The following POT1 variants were observed in gnomAD, a reference collection of about 807,000 sequenced individuals.
The protein encoded by POT1 is protection of telomeres protein 1.
POT1 carries 47 observed loss-of-function variants against 78.5 expected under a neutral mutation model. The ratio of observed to expected loss-of-function variants is 0.60; its 90% CI spans 0.47 to 0.76. POT1 has a LOEUF of 0.76. POT1 is among the 30% of genes least tolerant of loss of function. The pLI, the probability that POT1 is intolerant of heterozygous loss-of-function variation, is 0.00. For missense variants in POT1, 646 were observed against 749.9 expected (o/e 0.86, Z 1.62); for synonymous variants, 259 against 260.7 (o/e 0.99, Z 0.06).
In POT1 at chr7:124,910,968, T is replaced by A. The variant is rs1796876807; in HGVS notation, c.-154+4606A>T. The stretch of plus-strand genomic sequence containing the variant: ...TCTCTCAGAGCAACTCTACCTACAT[T>A]TACCCCAACACTATTTTCTGTATTA... On this transcript the variant is annotated intron_variant, in intron 3 of 18. Transcript: ENST00000357628. 2.0e-5 allele frequency among the ~76,000 whole-genome samples: 3 copies of A among 152,044 alleles called. No individual in the cohort carries two copies. In the South Asian group the frequency reaches 6.2e-4, roughly 32 times the overall value.
chr7:124,854,671 T>C (rs561564782), intron 9 of POT1, among the ~76,000 whole-genome samples: 33 of 151,968 alleles, frequency 2.2e-4, no homozygotes, highest in African/African-American at 7.7e-4. Context: ...CTTTGACCTC[T>C]TTCACTTACA....
intron 6 of POT1, among the ~76,000 whole-genome samples, chr7:124,881,433 G>A (rs981665617): frequency 2.0e-5 from 3 of 151,780 alleles, no homozygotes; most frequent in African/African-American, 7.3e-5. Flanking sequence ...CAAAATTCAG[G>A]TTAAGAGAAC....
intron 8 of POT1, among the ~76,000 whole-genome samples, chr7:124,861,241 T>C (rs1213086741): frequency 1.3e-5 from 2 of 152,192 alleles, no homozygotes; most frequent in Non-Finnish European, 2.9e-5. Context: ...AAAGCGCTCC[T>C]TTTTCTCCAC....
intron 14 of POT1, among the ~76,000 whole-genome samples, chr7:124,840,397 G>C (rs1794998084): frequency 6.6e-6 from 1 of 151,044 alleles, no homozygotes; most frequent in African/African-American, 2.4e-5. Context: ...GGTTACAAGG[G>C]AAGAGAAGCC....
chr7:124,901,828 T>A (rs982285469), intron 3 of POT1, among the ~76,000 whole-genome samples: 1 of 152,040 alleles, frequency 6.6e-6, no homozygotes, highest in African/African-American at 2.4e-5. Context: ...GAGAAGACCT[T>A]AAATGACCTG....
At chr7:124,926,886 G>A (rs997932779) in intron 2 of POT1, among the ~76,000 whole-genome samples, 1 of 152,142 alleles carries the variant, frequency 6.6e-6, no homozygotes, top group Non-Finnish European at 1.5e-5. Flanking sequence ...TGTACACACA[G>A]AAGCAGAGTG....
At chr7:124,903,669 A>T (rs1796681493) in intron 3 of POT1, among the ~76,000 whole-genome samples, 1 of 152,230 alleles carries the variant, frequency 6.6e-6, no homozygotes, top group African/African-American at 2.4e-5. Flanking sequence ...AGAAAAAACT[A>T]AGATCAGAGC....
chr7:124,889,170 T>C (rs1320490901), intron 6 of POT1, among the ~76,000 whole-genome samples: 1 of 152,012 alleles, frequency 6.6e-6, no homozygotes, highest in Non-Finnish European at 1.5e-5. Context: ...AACACATGAA[T>C]GAGAAGAAAG....
intron 3 of POT1, among the ~76,000 whole-genome samples, chr7:124,907,127 C>T (rs539534596): frequency 2.0e-5 from 3 of 152,138 alleles, no homozygotes; most frequent in African/African-American, 7.2e-5. Context: ...AGTGAGAAGG[C>T]TTTATCAATG....
intron 3 of POT1, among the ~76,000 whole-genome samples, chr7:124,903,784 T>C (rs1796685075): frequency 6.7e-6 from 1 of 148,798 alleles, no homozygotes; most frequent in Non-Finnish European, 1.5e-5. Context: ...CTAGCAAGAC[T>C]AATAAAGAAG....
chr7:124,891,046 G>A lies in POT1; in HGVS notation c.124+1220C>T, dbSNP rs375150667. The stretch of plus-strand genomic sequence containing the variant: ...CTGTTAGGTCCATTTGGTCTACAGT[G>A]TTGTTCAAGTTTTCTGTTTCCTTAT... On this transcript the variant is annotated intron_variant, in intron 6 of 18. Transcript: ENST00000357628. 2.6e-5 allele frequency among the ~76,000 whole-genome samples: 4 copies of A among 151,696 alleles called. No individual in the cohort carries two copies. In the East Asian group the frequency reaches 5.8e-4, roughly 22 times the overall value.
chr7:124,832,300 G>A (rs999157966), intron 15 of POT1, among the ~76,000 whole-genome samples: 7 of 147,356 alleles, frequency 4.8e-5, no homozygotes, highest in African/African-American at 1.2e-4. Context: ...AAAACGTTAC[G>A]ATTTGTTAAA....
chr7:124,851,855 T>C lies in POT1; in HGVS notation c.949+17A>G. The C allele has an allele frequency of 1.3e-6, 2 of 1,540,068 alleles. No homozygotes were observed. The highest frequency in any genetic ancestry group is 1.8e-6 in the Non-Finnish European group (2 of 1,113,420). On this transcript the variant is annotated intron_variant, in intron 11 of 18. Coordinates refer to ENST00000357628, the MANE Select transcript of POT1 (RefSeq NM_015450.3). ...TTTAGCAAGAACTAAACTGTCAATGTTAAAGATTATCCTTACTTGGAAAGC... is the reference window on the plus strand; with the variant it reads ...TTTAGCAAGAACTAAACTGTCAATGCTAAAGATTATCCTTACTTGGAAAGC...
chr7:124,913,508 C>T (rs542763407), intron 3 of POT1, among the ~76,000 whole-genome samples: 41 of 152,104 alleles, frequency 2.7e-4, no homozygotes, highest in Non-Finnish European at 4.6e-4. Flanking sequence ...ATTTTTCCTT[C>T]ATTGCTCATC....
intron 3 of POT1, among the ~76,000 whole-genome samples, chr7:124,906,829 AT>A (rs1796777132): frequency 6.6e-6 from 1 of 152,116 alleles, no homozygotes; most frequent in South Asian, 2.1e-4. Flanking sequence ...GTTTCCATGA[AT>A]TTATGAATCA....
At chr7:124,897,272 C>G (rs1225220834) in intron 4 of POT1, 60 bp from the exon 5 acceptor site, 1 of 624,350 alleles carries the variant, frequency 1.6e-6, no homozygotes, top group Admixed American at 3.2e-5. Flanking sequence ...TGATTACATG[C>G]TTTTAGTTGT....
At chr7:124,835,964 C>T (rs571182431) in intron 14 of POT1, among the ~76,000 whole-genome samples, 6 of 152,090 alleles carry the variant, frequency 3.9e-5, no homozygotes, top group Non-Finnish European at 7.4e-5. Flanking sequence ...GAAGTATTGT[C>T]CAATGGCATC....
chr7:124,859,634 T>C (rs1795535453), intron 8 of POT1, among the ~76,000 whole-genome samples: 2 of 151,818 alleles, frequency 1.3e-5, no homozygotes, highest in South Asian at 4.1e-4. Flanking sequence ...TGGTTCACAT[T>C]ATGCTTTTTC....
intron 18 of POT1, 150 bp from the exon 19 acceptor site, chr7:124,824,224 A>G (rs865981156): frequency 7.1e-6 from 4 of 563,972 alleles, no homozygotes; most frequent in Middle Eastern, 4.6e-4. Flanking sequence ...ATTTAACATT[A>G]TTCTCTCTTC....
Sources: gnomAD v4.1 joint callset for allele counts (sites outside exome capture counted in the v4.1 genomes callset) on GRCh38, gnomAD v4.1.1 for gene constraint, MANE v1.5 for transcripts, NCBI Gene and HGNC (gene_info 2026-07-23, HGNC 2026-07-21) for gene names.